CYBA: variants seen among roughly 807,000 people sequenced by gnomAD.
CYBA encodes the protein cytochrome b-245 light chain.
CYBA carries 21 observed loss-of-function variants against 20.8 expected under a neutral mutation model. The ratio of observed to expected loss-of-function variants is 1.01; its 90% CI spans 0.72 to 1.46. The LOEUF is 1.46. CYBA is among the 40% of genes most tolerant of loss of function. The pLI, the probability that CYBA is intolerant of heterozygous loss-of-function variation, is 0.00. For missense variants in CYBA, 344 were observed against 287.0 expected (o/e 1.20, Z -1.43); for synonymous variants, 164 against 127.5 (o/e 1.29, Z -1.93).
Position 88,643,611 on chromosome 16 carries a change from G to GCCCTCCCTCCCT in CYBA, c.370-52_370-41dup. ...AGGGTTGAGCCGCGCCCCAGCGCCC[G>GCCCTCCCTCCCT]CCCTCCCTCCCTCCCTCCCTCCCCG... is the stretch of plus-strand genomic sequence containing the variant. On this transcript the variant is annotated intron_variant, in intron 5 of 5. Coordinates refer to ENST00000261623, the MANE Select transcript of CYBA (RefSeq NM_000101.4). This position sits in a 1 kb window ranked among gnomAD's most constrained non-coding sequence, Gnocchi z 4.3. 7 of 1,245,228 alleles carry GCCCTCCCTCCCT rather than the reference G, an allele frequency of 5.6e-6. No individual in the cohort carries two copies. Among genetic ancestry groups the GCCCTCCCTCCCT allele is most frequent in the African/African-American group, 1.9e-5 (1 of 51,540 alleles). 77.1% of individuals were successfully genotyped at this position (1,245,228 alleles called of 1,614,324 possible).
At position 88,643,508 on chromosome 16, in the gene CYBA, C is replaced by T. The variant is rs576565258; in HGVS notation, c.433G>A (p.Gly145Arg). Residue 145 changes from glycine to arginine, a missense_variant, in exon 6 of 6, where the codon GGA becomes AGA. Coordinates refer to ENST00000261623, the MANE Select transcript of CYBA (RefSeq NM_000101.4). This position sits in a 1 kb window ranked among gnomAD's most constrained non-coding sequence, Gnocchi z 4.3. ...EPKPRERPQI[G>R]GTIKQPPSNP... Reference sequence around the variant, plus strand: ...CTGGGCGGCTGCTTGATGGTGCCTCCGATCTGCGGCCGCTCCCGGGGCTTG... The same window carrying T: ...CTGGGCGGCTGCTTGATGGTGCCTCTGATCTGCGGCCGCTCCCGGGGCTTG... 87 of 1,534,484 alleles carry T rather than the reference C, an allele frequency of 5.7e-5. No individual in the cohort carries two copies. In the South Asian group the frequency reaches 7.6e-4, roughly 13 times the overall value.
chr16:88,645,341 G>C, intron 5 of CYBA: 1 of 702,458 alleles, frequency 1.4e-6, no homozygotes, highest in Non-Finnish European at 2.6e-6. Context: ...GGCGTACACA[G>C]AAAGTGCTGC....
intron 1 of CYBA, among the ~76,000 whole-genome samples, chr16:88,649,926 G>T (rs1409973483): frequency 1.3e-5 from 2 of 152,210 alleles, no homozygotes; most frequent in African/African-American, 4.8e-5. Context: ...TCACGGGGCA[G>T]CTCTGGGGAG....
In CYBA at chr16:88,650,933, C is replaced by T. The variant is rs538567674; in HGVS notation, c.58+23G>A. 7 of 1,580,226 alleles carry T rather than the reference C, an allele frequency of 4.4e-6. No homozygotes were observed. In the East Asian group the frequency reaches 1.6e-4, roughly 37 times the overall value. On this transcript the variant is annotated intron_variant, in intron 1 of 5. Coordinates refer to ENST00000261623, the MANE Select transcript of CYBA (RefSeq NM_000101.4). The stretch of plus-strand genomic sequence containing the variant: ...GGACACCCCTCCAGGCTGCAGCCTC[C>T]ACCGTCCCTGACGTGCACTCACTCA...
Position 88,643,729 on chromosome 16 carries a change from C to T in CYBA, c.370-158G>A. ...CCACTCAGAGAGGTTAAGTGACGCG[C>T]CCGAGGCCACACAGCCAGGACCTGG... On this transcript the variant is annotated intron_variant, in intron 5 of 5. Transcript: ENST00000261623. The surrounding 1 kb of genome is among the most constrained non-coding windows in gnomAD (Gnocchi z 4.3). The T allele has an allele frequency of 1.4e-6, 1 of 726,234 alleles. No homozygotes were observed. The highest frequency in any genetic ancestry group is 2.3e-6 in the Non-Finnish European group (1 of 436,280). 45.0% of individuals were successfully genotyped at this position (726,234 alleles called of 1,614,324 possible).
rs533604645 is a variant in CYBA at position 88,647,344 on chromosome 16, C to A, written c.129-169G>T. Among the ~76,000 whole-genome samples the A allele has an allele frequency of 7.9e-5, 12 of 152,274 alleles. No homozygotes were observed. The South Asian group carries it at 2.3e-3, about 29-fold the overall frequency. On this transcript the variant is annotated intron_variant, in intron 2 of 5. Coordinates refer to ENST00000261623, the MANE Select transcript of CYBA (RefSeq NM_000101.4). ...ATCACTGGAGCCCAGGAGTTTGAGA[C>A]CAGCCTGGGCAACATAGTGAGACCC...
intron 5 of CYBA, chr16:88,644,832 AAAG>A (rs952604659): frequency 6.5e-5 from 22 of 336,722 alleles, no homozygotes; most frequent in African/African-American, 1.0e-4. Flanking sequence ...CTCAAAAAAA[AAAG>A]AAGAAAAAGA....
chr16:88,649,423 C>G (rs1907423964), intron 1 of CYBA, among the ~76,000 whole-genome samples: 1 of 152,160 alleles, frequency 6.6e-6, no homozygotes, highest in Non-Finnish European at 1.5e-5. Context: ...GCCTGCCATC[C>G]GAAAGAGGGT....
chr16:88,650,586 GCC>G, intron 1 of CYBA: 1 of 509,976 alleles, frequency 2.0e-6, no homozygotes, highest in Non-Finnish European at 3.8e-6. Flanking sequence ...TTCTCCCGAT[GCC>G]CAGGCCGGAG....
At chr16:88,645,405 C>A (rs1313712534) in intron 5 of CYBA, 2 of 702,440 alleles carry the variant, frequency 2.8e-6, no homozygotes, top group South Asian at 3.0e-5. Flanking sequence ...GGGCAGTTGC[C>A]TCTGCGGGCA....
Position 88,647,137 on chromosome 16 carries a change from C to CG in CYBA, c.166dup (p.Arg56ProfsTer157), listed in dbSNP as rs1352931329. 8.7e-6 allele frequency: 14 copies of CG among 1,611,122 alleles called. No individual in the cohort carries two copies. Among genetic ancestry groups the CG allele is most frequent in the Non-Finnish European group, 1.2e-5 (14 of 1,179,722 alleles). On this transcript the variant is annotated frameshift_variant, in exon 3 of 6. Coordinates refer to ENST00000261623, the MANE Select transcript of CYBA (RefSeq NM_000101.4). LOFTEE classifies it high-confidence loss of function. ...GGTGGAGCCCTTCTTCCTCTTCCCC[C>CG]GGGGGTACTCCAGCAGGCACACAAA...
At chr16:88,650,570 G>C (rs901484791) in intron 1 of CYBA, 1 of 502,116 alleles carries the variant, frequency 2.0e-6, no homozygotes, top group Non-Finnish European at 3.9e-6. Flanking sequence ...CGAGGGGCAG[G>C]GGAGCTTCTC....
In CYBA at chr16:88,643,682, C is replaced by T. The variant is rs922391909; in HGVS notation, c.370-111G>A. On this transcript the variant is annotated intron_variant, in intron 5 of 5. Transcript: ENST00000261623. The surrounding 1 kb of genome is among the most constrained non-coding windows in gnomAD (Gnocchi z 4.3). ...CCCTGGGACAGGCTCAAGTCTGAAT[C>T]CCACGCAGGATGGTGTGACTGCCAC... The T allele has an allele frequency of 2.5e-5, 25 of 1,019,348 alleles. No individual in the cohort carries two copies. The African/African-American group carries it at 3.7e-4, about 15-fold the overall frequency. 63.1% of individuals were successfully genotyped at this position (1,019,348 alleles called of 1,614,324 possible). A position where few individuals can be genotyped will look rare whatever the true frequency, so the allele number is the denominator to read the frequency against.
At position 88,648,116 on chromosome 16, in the gene CYBA, T is replaced by C. The variant is rs1907355667; in HGVS notation, c.59-2A>G. 6.2e-7 allele frequency: 1 copy of C among 1,610,474 alleles called. No individual in the cohort carries two copies. The highest frequency in any genetic ancestry group is 1.3e-5 in the African/African-American group (1 of 74,864). Reference sequence around the variant, plus strand: ...CCACGATGCCCCCGGTGATGAGGACTGCGGGGAGAAGTGGGTCAGGCACTG... The same window carrying C: ...CCACGATGCCCCCGGTGATGAGGACCGCGGGGAGAAGTGGGTCAGGCACTG... On this transcript the variant is annotated splice_acceptor_variant, in intron 1 of 5. Coordinates refer to ENST00000261623, the MANE Select transcript of CYBA (RefSeq NM_000101.4). LOFTEE classifies it high-confidence loss of function.
chr16:88,648,309 G>A (rs956215436), intron 1 of CYBA, among the ~76,000 whole-genome samples, 195 bp from the exon 2 acceptor site: 5 of 152,218 alleles, frequency 3.3e-5, no homozygotes, highest in South Asian at 2.1e-4. Context: ...TGTGGCGCAC[G>A]GGCTGGCGGA....
chr16:88,645,175 C>A (rs954758644), intron 5 of CYBA: 1 of 702,180 alleles, frequency 1.4e-6, no homozygotes, highest in African/African-American at 1.7e-5. Flanking sequence ...ACTAGCTGTG[C>A]GTGGCAGCAG....
intron 4 of CYBA, 45 bp downstream of exon 4, chr16:88,646,710 C>T (rs200374230): frequency 1.3e-6 from 2 of 1,558,560 alleles, no homozygotes; most frequent in Non-Finnish European, 1.8e-6. Context: ...AGGGTCGGCT[C>T]CAAGCCCTCC....
chr16:88,646,028 G>T, intron 5 of CYBA, 88 bp downstream of exon 5: 2 of 1,130,982 alleles, frequency 1.8e-6, no homozygotes, highest in Non-Finnish European at 2.6e-6. Context: ...CTACAGAGCC[G>T]GCTTCAAGGG....
intron 1 of CYBA, 69 bp downstream of exon 1, chr16:88,650,887 G>A (rs946935120): frequency 1.3e-6 from 2 of 1,494,110 alleles, no homozygotes; most frequent in African/African-American, 2.8e-5. Flanking sequence ...TAAGTAGCCC[G>A]AGGTCCCGGC....
Sources: allele counts gnomAD v4.1 joint callset (sites outside exome capture counted in the v4.1 genomes callset), GRCh38; gene constraint gnomAD v4.1.1; non-coding constraint Gnocchi (gnomAD v3.1); transcripts MANE v1.5; gene names NCBI Gene and HGNC (gene_info 2026-07-23, HGNC 2026-07-21).